Variants in MAP3K15 observed in about 807,000 individuals in gnomAD.
MAP3K15 encodes MAPK/ERK kinase kinase 15.
A neutral mutation model predicts 99.5 loss-of-function variants in MAP3K15; 124 were observed. The observed-to-expected ratio is 1.25, with a 90% CI of 1.08 to 1.45. The LOEUF (loss-of-function observed/expected upper bound fraction) is 1.45, where lower values mean the gene tolerates loss of function less well. Among genes scored for constraint, MAP3K15 ranks in the 40% most tolerant of loss-of-function variants. The pLI is 0.00. For synonymous variants in MAP3K15, 494 were observed against 439.6 expected, an observed-to-expected ratio of 1.12 and a Z score of -1.55; for missense variants, 1,242 against 1,079.7, an observed-to-expected ratio of 1.15 and a Z score of -2.11.
intron 7 of MAP3K15, among the ~76,000 whole-genome samples, chrX:19,429,496 T>A (rs1199172405): frequency 9.1e-6 from 1 of 109,889 alleles, no homozygotes; most frequent in Non-Finnish European, 1.9e-5. Flanking sequence ...AGAATAGTAG[T>A]AAGAAAGTAA....
At chrX:19,499,153 T>A (rs988002608) in intron 1 of MAP3K15, among the ~76,000 whole-genome samples, 4 of 112,068 alleles carry the variant, frequency 3.6e-5, no homozygotes, top group Non-Finnish European at 7.5e-5. Flanking sequence ...GATATCTGCA[T>A]GTCCAAAAAG....
At chrX:19,372,971 G>A in intron 21 of MAP3K15, 144 bp from the exon 22 acceptor site, 1 of 533,673 alleles carries the variant, frequency 1.9e-6, no homozygotes, top group Non-Finnish European at 3.0e-6. Context: ...GCCGGAGGAA[G>A]GACAGACATG....
At chrX:19,432,706 G>T (rs182804934) in intron 6 of MAP3K15, among the ~76,000 whole-genome samples, 1 of 108,922 alleles carries the variant, frequency 9.2e-6, no homozygotes, top group African/African-American at 3.4e-5. Context: ...ACTATGTTTT[G>T]TAAGTGCCCT....
chrX:19,388,089 G>A (rs2063504160), intron 18 of MAP3K15, among the ~76,000 whole-genome samples: 1 of 112,801 alleles, frequency 8.9e-6, no homozygotes. Flanking sequence ...ACAGGTCGCT[G>A]CCTGCAGGGA....
rs765590340 is a variant in MAP3K15 at position 19,409,977 on chromosome X, C to G, written c.1699-4G>C. On this transcript the variant is annotated splice_region_variant and splice_polypyrimidine_tract_variant and intron_variant, in intron 11 of 28. Transcript: ENST00000338883. ...AATTCCATTCGTGCATCTGTTTCTG[C>G]AAGTTATCAAAGACAGAAGTCAATA... 13 of 1,198,264 alleles carry G rather than the reference C, an allele frequency of 1.1e-5. 1 individual carries two copies. In the African/African-American group the frequency reaches 1.4e-4, roughly 13 times the overall value.
At chrX:19,376,633 C>T (rs2063420009) in intron 19 of MAP3K15, 1 of 110,876 alleles carries the variant, frequency 9.0e-6, no homozygotes, top group Non-Finnish European at 1.9e-5. Flanking sequence ...TTTGTAGACA[C>T]GGGGTCTTGC....
At chrX:19,492,859 C>T (rs1237769386) in intron 1 of MAP3K15, among the ~76,000 whole-genome samples, 4 of 110,269 alleles carry the variant, frequency 3.6e-5, no homozygotes, top group East Asian at 2.8e-4. Flanking sequence ...CCCAGCTACT[C>T]GGGAGGCTGA....
At chrX:19,404,697 C>T (rs981396473) in intron 13 of MAP3K15, among the ~76,000 whole-genome samples, 1 of 111,667 alleles carries the variant, frequency 9.0e-6, no homozygotes, top group Admixed American at 9.6e-5. Flanking sequence ...AAATAAACTC[C>T]TACATTTGTG....
chrX:19,380,153 A>G lies in MAP3K15; in HGVS notation c.2556T>C (p.His852=). Residue 852 remains histidine (H), a synonymous_variant, in exon 19 of 29, where the codon CAT becomes CAC. Transcript: ENST00000338883. The part of the protein sequence containing the change: ...IEMATSKPPF[H]ELGEPQAAMF... ...TGGCTGCCTGCGGCTCACCAAGCTCATGGAACGGAGGCTTGCTGGTGGCCA... is the reference window on the plus strand; with the variant it reads ...TGGCTGCCTGCGGCTCACCAAGCTCGTGGAACGGAGGCTTGCTGGTGGCCA... 8.3e-7 allele frequency: 1 copy of G among 1,198,910 alleles called. No homozygotes were observed. Among genetic ancestry groups the G allele is most frequent in the Non-Finnish European group, 1.1e-6 (1 of 889,824 alleles).
chrX:19,373,501 C>T (rs1418354122), intron 21 of MAP3K15, 35 bp downstream of exon 21: 11 of 1,161,743 alleles, frequency 9.5e-6, no homozygotes, highest in South Asian at 1.9e-5. Flanking sequence ...AGCACCCTTT[C>T]GGGCCCGCGG....
intron 19 of MAP3K15, among the ~76,000 whole-genome samples, chrX:19,375,142 G>A (rs775266233): frequency 8.9e-6 from 1 of 112,539 alleles, no homozygotes; most frequent in Non-Finnish European, 1.9e-5. Flanking sequence ...TCAGCTCAAA[G>A]AGGCATGAGA....
intron 21 of MAP3K15, 154 bp from the exon 22 acceptor site, chrX:19,372,981 G>A (rs1210656585): frequency 1.1e-5 from 5 of 455,081 alleles, no homozygotes; most frequent in Non-Finnish European, 1.4e-5. Flanking sequence ...GGACAGACAT[G>A]CAGTGTTCTG....
At chrX:19,414,900 A>G (rs1196025276) in intron 10 of MAP3K15, among the ~76,000 whole-genome samples, 1 of 112,031 alleles carries the variant, frequency 8.9e-6, no homozygotes, top group Non-Finnish European at 1.9e-5. Context: ...GTTGCTTCCA[A>G]TTGAGAATGA....
In MAP3K15 at chrX:19,372,738, T is replaced by C; in HGVS notation, c.3023A>G (p.Asp1008Gly). Residue 1008 changes from aspartate (D) to glycine (G), a missense_variant, in exon 22 of 29, where the codon GAC (aspartate) becomes GGC (glycine). Transcript: ENST00000338883. The part of the protein sequence containing the change: ...RDQGLFLLRK[D>G]SERRAILYKI... ...GTACAGGATGGCACGGCGCTCACTGTCCTTGCGTAGCAGGAAGAGGCCCTG... is the reference window on the plus strand; with the variant it reads ...GTACAGGATGGCACGGCGCTCACTGCCCTTGCGTAGCAGGAAGAGGCCCTG... The C allele has an allele frequency of 1.7e-6, 2 of 1,211,719 alleles. No homozygotes were observed. The highest frequency in any genetic ancestry group is 2.2e-6 in the Non-Finnish European group (2 of 895,405).
intron 12 of MAP3K15, 125 bp from the exon 13 acceptor site, chrX:19,407,408 C>A: frequency 2.6e-6 from 1 of 383,346 alleles, no homozygotes; most frequent in South Asian, 6.5e-5. Context: ...ACAAACACCC[C>A]CCGAGTCTGC....
Position 19,384,922 on chromosome X carries a change from C to T in MAP3K15, c.2432-4645G>A, listed in dbSNP as rs1017551895. Among the ~76,000 whole-genome samples the T allele has an allele frequency of 5.4e-5, 6 of 110,565 alleles. No individual in the cohort carries two copies. The South Asian group carries it at 1.5e-3, about 28-fold the overall frequency. On this transcript the variant is annotated intron_variant, in intron 18 of 28. Transcript: ENST00000338883. ...CTGTATCAAAATAGTCTATATACCC[C>T]ATAAATATATATACCTGCTATATAC...
intron 1 of MAP3K15, among the ~76,000 whole-genome samples, chrX:19,506,968 T>C (rs1004350893): frequency 8.9e-6 from 1 of 112,317 alleles, no homozygotes; most frequent in African/African-American, 3.2e-5. Flanking sequence ...GTCAGGAAAG[T>C]AACATTTAAA....
chrX:19,422,240 T>C lies in MAP3K15; in HGVS notation c.1439+3291A>G, dbSNP rs866313122. Among the ~76,000 whole-genome samples, 1,041 of 110,490 alleles carry C rather than the reference T, an allele frequency of 9.4e-3. 7 individuals are homozygous for C. Among genetic ancestry groups the C allele is most frequent in the Non-Finnish European group, 0.016 (832 of 52,913 alleles). On this transcript the variant is annotated intron_variant, in intron 9 of 28. Coordinates refer to ENST00000338883, the MANE Select transcript of MAP3K15 (RefSeq NM_001001671.4). ...AAAGAAACTACCATCAGAGTGAACA[T>C]GCAACCTACAGAATGGGAGAAAATT...
Position 19,411,905 on chromosome X carries a change from C to A in MAP3K15, c.1698+1452G>T, listed in dbSNP as rs1010608258. On this transcript the variant is annotated intron_variant, in intron 11 of 28. Transcript: ENST00000338883. Reference sequence around the variant, plus strand: ...CACCCTCGGGATGTCAGCTTTGACTCTGCGTGAGACAGGAAGCCACTGGAG... The same window carrying A: ...CACCCTCGGGATGTCAGCTTTGACTATGCGTGAGACAGGAAGCCACTGGAG... 8.9e-5 allele frequency among the ~76,000 whole-genome samples: 10 copies of A among 112,110 alleles called. No homozygotes were observed. The South Asian group carries it at 1.1e-3, about 13-fold the overall frequency.
Sources: allele counts gnomAD v4.1 joint callset (sites outside exome capture counted in the v4.1 genomes callset), GRCh38; gene constraint gnomAD v4.1.1; transcripts MANE v1.5; gene names NCBI Gene and HGNC (gene_info 2026-07-23, HGNC 2026-07-21).